The following GRID1 variants were observed in gnomAD, a reference collection of about 807,000 sequenced individuals.
GRID1 encodes glutamate ionotropic receptor delta type subunit 1.
A neutral mutation model predicts 98.0 loss-of-function variants in GRID1; 28 were observed. The ratio of observed to expected loss-of-function variants is 0.29; its 90% CI spans 0.21 to 0.39. GRID1 has a LOEUF of 0.39. Ranked by LOEUF, GRID1 falls within the 10% of genes least tolerant of loss-of-function variation. GRID1 has a pLI of 1.00. For missense variants in GRID1, 1,111 were observed against 1,340.5 expected (o/e 0.83, Z 2.67); for synonymous variants, 553 against 538.5 (o/e 1.03, Z -0.37).
chr10:86,016,297 C>A (rs1589337721), intron 4 of GRID1, among the ~76,000 whole-genome samples: 1 of 150,038 alleles, frequency 6.7e-6, no homozygotes, highest in Admixed American at 6.7e-5. Context: ...CAGGTGCCCA[C>A]CACCACGCCT....
At chr10:85,895,016 A>AAATATATATATAT (rs766551035) in intron 5 of GRID1, among the ~76,000 whole-genome samples, 131 of 97,076 alleles carry the variant, frequency 1.3e-3, no homozygotes, top group Non-Finnish European at 2.3e-3. Context: ...AAAAAAAAAA[A>AAATATATATATAT]ATATATATAT....
intron 2 of GRID1, among the ~76,000 whole-genome samples, chr10:86,272,573 G>T (rs1260862850): frequency 6.6e-6 from 1 of 152,136 alleles, no homozygotes; most frequent in Admixed American, 6.5e-5. Flanking sequence ...GATACCTGAA[G>T]GATTGATACA....
intron 4 of GRID1, among the ~76,000 whole-genome samples, chr10:86,094,040 C>T (rs1343237404): frequency 1.3e-5 from 2 of 152,170 alleles, no homozygotes; most frequent in Non-Finnish European, 2.9e-5. Context: ...GATGGTTTAA[C>T]ATATGCAAGT....
At chr10:86,340,770 C>T (rs1848299040) in intron 2 of GRID1, among the ~76,000 whole-genome samples, 1 of 152,152 alleles carries the variant, frequency 6.6e-6, no homozygotes, top group Admixed American at 6.5e-5. Flanking sequence ...GCAGCCAGGG[C>T]CTACAAAGAG....
At chr10:86,084,886 G>T (rs1844028176) in intron 4 of GRID1, among the ~76,000 whole-genome samples, 1 of 152,106 alleles carries the variant, frequency 6.6e-6, no homozygotes, top group Non-Finnish European at 1.5e-5. Context: ...AGGGAGGAAT[G>T]GGGAGTTATT....
intron 8 of GRID1, among the ~76,000 whole-genome samples, chr10:85,811,366 A>G (rs1842669295): frequency 1.3e-5 from 2 of 152,228 alleles, no homozygotes; most frequent in Admixed American, 1.3e-4. Flanking sequence ...AAGTAACACA[A>G]TAATTTTGCA....
intron 2 of GRID1, among the ~76,000 whole-genome samples, chr10:86,220,362 G>A (rs1209610115): frequency 2.0e-5 from 3 of 152,160 alleles, no homozygotes; most frequent in Non-Finnish European, 2.9e-5. Context: ...CCTTACTGCT[G>A]TGGGCAAGTC....
At chr10:85,873,539 G>T (rs375880347) in intron 5 of GRID1, among the ~76,000 whole-genome samples, 2 of 152,078 alleles carry the variant, frequency 1.3e-5, no homozygotes, top group Admixed American at 6.5e-5. Context: ...ATTTCAGTGC[G>T]CCTTTCATCA....
At chr10:86,202,040 T>C (rs1219806309) in intron 3 of GRID1, among the ~76,000 whole-genome samples, 1 of 152,240 alleles carries the variant, frequency 6.6e-6, no homozygotes, top group Non-Finnish European at 1.5e-5. Flanking sequence ...AATTAAAAAA[T>C]AATTTTTAAA....
intron 12 of GRID1, chr10:85,649,907 C>T (rs182290887): frequency 1.1e-4 from 17 of 152,432 alleles, no homozygotes; most frequent in African/African-American, 4.1e-4. Flanking sequence ...ATCCATCCAT[C>T]ACCTCTAATA....
At chr10:85,809,069 G>A (rs72841500) in intron 8 of GRID1, among the ~76,000 whole-genome samples, 80 of 151,966 alleles carry the variant, frequency 5.3e-4, no homozygotes, top group Non-Finnish European at 9.6e-4. Flanking sequence ...AAATACAGTC[G>A]AGAATTGTAA....
At chr10:86,170,341 T>C (rs982812908) in intron 3 of GRID1, among the ~76,000 whole-genome samples, 3 of 152,220 alleles carry the variant, frequency 2.0e-5, no homozygotes, top group Admixed American at 2.0e-4. Context: ...CTGTATGTCC[T>C]TGGATGCACC....
In GRID1 at chr10:85,774,972, C is replaced by G. The variant is rs1169366014; in HGVS notation, c.1234-45358G>C. ...ACCATTTGACCCAGCCATCCCATTACTGGGTATATACCCAAAGGACTATAA... is the reference window on the plus strand; with the variant it reads ...ACCATTTGACCCAGCCATCCCATTAGTGGGTATATACCCAAAGGACTATAA... On this transcript the variant is annotated intron_variant, in intron 8 of 15. Coordinates refer to ENST00000327946, the MANE Select transcript of GRID1 (RefSeq NM_017551.3). 2.0e-5 allele frequency among the ~76,000 whole-genome samples: 3 copies of G among 151,936 alleles called. No individual in the cohort carries two copies. The South Asian group carries it at 6.3e-4, about 32-fold the overall frequency.
At chr10:85,969,649 G>C (rs1589318229) in intron 4 of GRID1, among the ~76,000 whole-genome samples, 1 of 152,154 alleles carries the variant, frequency 6.6e-6, no homozygotes, top group Non-Finnish European at 1.5e-5. Flanking sequence ...AGATTAATGA[G>C]AAAAACATAC....
chr10:86,047,624 A>C (rs1843442238), intron 4 of GRID1, among the ~76,000 whole-genome samples: 1 of 151,984 alleles, frequency 6.6e-6, no homozygotes, highest in Non-Finnish European at 1.5e-5. Flanking sequence ...GAGATCAAAG[A>C]AGCTCTGGGT....
chr10:85,960,146 T>TG (rs1842247598), intron 4 of GRID1, among the ~76,000 whole-genome samples: 1 of 152,220 alleles, frequency 6.6e-6, no homozygotes, highest in South Asian at 2.1e-4. Flanking sequence ...GTGATCCGCC[T>TG]GCCTCAACCT....
intron 12 of GRID1, among the ~76,000 whole-genome samples, chr10:85,686,650 G>T (rs1841272651): frequency 6.6e-6 from 1 of 151,648 alleles, no homozygotes; most frequent in African/African-American, 2.4e-5. Flanking sequence ...AAAGTAAGAT[G>T]ATACATATAT....
intron 4 of GRID1, among the ~76,000 whole-genome samples, chr10:85,920,630 A>G (rs1322071958): frequency 6.6e-6 from 1 of 152,214 alleles, no homozygotes; most frequent in East Asian, 1.9e-4. Context: ...CTCCCCTTCA[A>G]GGCAGCAGGA....
intron 6 of GRID1, among the ~76,000 whole-genome samples, chr10:85,867,371 C>A (rs535241904): frequency 1.3e-5 from 2 of 152,140 alleles, no homozygotes; most frequent in African/African-American, 4.8e-5. Context: ...AGGGAGGAAG[C>A]CCTTCAAAGG....
Sources: allele counts gnomAD v4.1 joint callset (sites outside exome capture counted in the v4.1 genomes callset), GRCh38; gene constraint gnomAD v4.1.1; transcripts MANE v1.5; gene names NCBI Gene and HGNC (gene_info 2026-07-23, HGNC 2026-07-21).